The following GFRAL variants were observed in gnomAD, a reference collection of about 807,000 sequenced individuals.
GFRAL encodes the protein GDNF family receptor alpha-like.
GFRAL carries 36 observed loss-of-function variants against 45.4 expected under a neutral mutation model. The ratio of observed to expected loss-of-function variants is 0.79; its 90% CI spans 0.61 to 1.05. The LOEUF (loss-of-function observed/expected upper bound fraction) is 1.05. Among genes scored for constraint, GFRAL ranks in the 50% least tolerant of loss-of-function variants. GFRAL has a pLI of 0.00. For missense variants in GFRAL, 507 were observed against 467.5 expected, an observed-to-expected ratio of 1.08 and a Z score of -0.78; for synonymous variants, 166 against 154.1, an observed-to-expected ratio of 1.08 and a Z score of -0.57.
At chr6:55,379,206 G>T (rs1768574055) in intron 6 of GFRAL, among the ~76,000 whole-genome samples, 1 of 151,838 alleles carries the variant, frequency 6.6e-6, no homozygotes, top group Admixed American at 6.6e-5. Flanking sequence ...GTGAAGGTTT[G>T]TTACGTAGGT....
At chr6:55,334,096 G>C (rs979543183) in intron 3 of GFRAL, 152 bp downstream of exon 3, 4 of 547,330 alleles carry the variant, frequency 7.3e-6, no homozygotes, top group African/African-American at 5.8e-5. Flanking sequence ...TTGGTATATA[G>C]TAGGTGTATC....
intron 6 of GFRAL, among the ~76,000 whole-genome samples, chr6:55,398,307 A>G (rs992484960): frequency 2.6e-5 from 4 of 152,226 alleles, no homozygotes; most frequent in African/African-American, 9.6e-5. Flanking sequence ...TCTATAACAG[A>G]AGACCGCAAC....
At chr6:55,371,292 A>G (rs1768446926) in intron 6 of GFRAL, among the ~76,000 whole-genome samples, 1 of 152,216 alleles carries the variant, frequency 6.6e-6, no homozygotes, top group African/African-American at 2.4e-5. Flanking sequence ...TGATTTCTAC[A>G]CATAAATTCA....
rs1038583266 is a variant in GFRAL, at chr6:55,359,069, A to G, written c.883A>G (p.Thr295Ala). Reference protein sequence around the residue: ...TVLQVQCTCRTITQSEESLCK... With the variant: ...TVLQVQCTCRAITQSEESLCK... ...CCTTCAAGTGCAATGTACCTGTAGG[A>G]CCATTACACAAAGTGAGGAATCTTT... is the stretch of plus-strand genomic sequence containing the variant. The change falls in exon 6 of 9, where the codon ACC becomes GCC. Residue 295 changes from threonine to alanine, a missense_variant. Transcript: ENST00000340465. The G allele has an allele frequency of 1.6e-5, 26 of 1,612,300 alleles. No homozygotes were observed. The highest frequency in any genetic ancestry group is 2.1e-5 in the Non-Finnish European group (25 of 1,178,808).
chr6:55,391,089 T>C (rs1055839463), intron 6 of GFRAL, among the ~76,000 whole-genome samples: 5 of 152,034 alleles, frequency 3.3e-5, no homozygotes, highest in Non-Finnish European at 7.4e-5. Context: ...TGTCCAAGAG[T>C]AGTGCATCTA....
chr6:55,369,435 A>C (rs574610892), intron 6 of GFRAL, among the ~76,000 whole-genome samples: 1 of 152,218 alleles, frequency 6.6e-6, no homozygotes, highest in African/African-American at 2.4e-5. Flanking sequence ...TGTAGACCGG[A>C]GCTGTTCCTA....
intron 5 of GFRAL, among the ~76,000 whole-genome samples, chr6:55,357,373 G>A (rs1768208604): frequency 6.6e-6 from 1 of 151,664 alleles, no homozygotes; most frequent in Non-Finnish European, 1.5e-5. Context: ...ATTTACAATT[G>A]TTATATCTTC....
chr6:55,372,832 C>T (rs1199078326), intron 6 of GFRAL, among the ~76,000 whole-genome samples: 2 of 152,144 alleles, frequency 1.3e-5, no homozygotes, highest in African/African-American at 2.4e-5. Context: ...AGCAAATTTC[C>T]GTTGCATTTT....
At chr6:55,381,692 G>A (rs935978972) in intron 6 of GFRAL, among the ~76,000 whole-genome samples, 7 of 151,726 alleles carry the variant, frequency 4.6e-5, no homozygotes, top group Non-Finnish European at 8.9e-5. Context: ...ATAAAGGTTC[G>A]AACTCACTTT....
At position 55,352,386 on chromosome 6, in the gene GFRAL, A is replaced by T. The variant is rs562787011; in HGVS notation, c.701+803A>T. ...TCCAGGAAGAGTGACAAAAACAAAG[A>T]TTCTTCTGGTCTTATCTGGGCTGTC... On this transcript the variant is annotated intron_variant, in intron 5 of 8. Coordinates refer to ENST00000340465, the MANE Select transcript of GFRAL (RefSeq NM_207410.2). 2.6e-5 allele frequency among the ~76,000 whole-genome samples: 4 copies of T among 152,250 alleles called. No homozygotes were observed. The South Asian group carries it at 8.3e-4, about 32-fold the overall frequency.
Position 55,359,229 on chromosome 6 carries a change from G to C in GFRAL, c.952+91G>C, listed in dbSNP as rs79879155. 336 of 1,028,820 alleles carry C rather than the reference G, an allele frequency of 3.3e-4. No individual in the cohort carries two copies. In the East Asian group the frequency reaches 7.5e-3, roughly 23 times the overall value. 63.7% of individuals were successfully genotyped at this position (1,028,820 alleles called of 1,614,324 possible). On this transcript the variant is annotated intron_variant, in intron 6 of 8. Coordinates refer to ENST00000340465, the MANE Select transcript of GFRAL (RefSeq NM_207410.2). ...TTTTGTTTTTGCCTATACAGTAAAA[G>C]AGGTAATCCAGCACAGACATTTTTG... is the stretch of plus-strand genomic sequence containing the variant.
intron 3 of GFRAL, among the ~76,000 whole-genome samples, chr6:55,348,324 T>C (rs971279699): frequency 6.6e-6 from 1 of 152,058 alleles, no homozygotes; most frequent in African/African-American, 2.4e-5. Context: ...TAGCATTTAA[T>C]GTATAAGTAT....
chr6:55,343,511 A>G (rs1357034201), intron 3 of GFRAL, among the ~76,000 whole-genome samples: 1 of 152,124 alleles, frequency 6.6e-6, no homozygotes, highest in Non-Finnish European at 1.5e-5. Flanking sequence ...CAGAATCTCT[A>G]GGACACATTT....
At chr6:55,364,295 T>A (rs1214988124) in intron 6 of GFRAL, among the ~76,000 whole-genome samples, 7 of 151,506 alleles carry the variant, frequency 4.6e-5, no homozygotes, top group African/African-American at 1.7e-4. Flanking sequence ...GTTTGTTTTT[T>A]TCTTGTAAAT....
intron 6 of GFRAL, among the ~76,000 whole-genome samples, chr6:55,376,570 C>T (rs1475475797): frequency 2.6e-5 from 4 of 151,706 alleles, no homozygotes; most frequent in Non-Finnish European, 4.4e-5. Context: ...GGTTCAGTCT[C>T]GGGAGGGTGA....
At chr6:55,364,380 T>C (rs530317173) in intron 6 of GFRAL, among the ~76,000 whole-genome samples, 1,908 of 148,682 alleles carry the variant, frequency 0.013, 50 homozygotes, top group African/African-American at 0.043. Context: ...TTCTCCCATT[T>C]TGTAGGTTGC....
rs1443633176 is a variant in GFRAL, at chr6:55,351,303, G to T, written c.421G>T (p.Asp141Tyr). 1.2e-6 allele frequency: 2 copies of T among 1,612,396 alleles called. No homozygotes were observed. The highest frequency in any genetic ancestry group is 1.7e-6 in the Non-Finnish European group (2 of 1,178,970). ...GGAAGTGGCAGAGGCATGTGTAGGG[G>T]ATGTGGTCTGTAATGCACAGTTGGC... is the stretch of plus-strand genomic sequence containing the variant. ...CLEVAEACVG[D>Y]VVCNAQLASY... The change falls in exon 5 of 9, where the codon GAT becomes TAT. Residue 141 changes from aspartate (D) to tyrosine (Y), a missense_variant. By Grantham distance (160) the Asp-to-Tyr change is radical. Transcript: ENST00000340465.
intron 6 of GFRAL, among the ~76,000 whole-genome samples, chr6:55,365,788 G>A (rs1410615693): frequency 1.3e-5 from 2 of 150,342 alleles, no homozygotes; most frequent in South Asian, 2.1e-4. Flanking sequence ...CAGGGATGAA[G>A]CCCACTTGAT....
chr6:55,328,754 T>G (rs1767795892), intron 1 of GFRAL, among the ~76,000 whole-genome samples: 1 of 152,050 alleles, frequency 6.6e-6, no homozygotes. Flanking sequence ...TATTTTCATC[T>G]TTTACTTCTA....
Sources: gnomAD v4.1 joint callset for allele counts (sites outside exome capture counted in the v4.1 genomes callset) on GRCh38, gnomAD v4.1.1 for gene constraint, MANE v1.5 for transcripts, NCBI Gene and HGNC (gene_info 2026-07-23, HGNC 2026-07-21) for gene names.